Variants in EVL observed in about 807,000 individuals in gnomAD.
EVL encodes the protein ena/VASP-like protein.
EVL carries 21 observed loss-of-function variants against 59.6 expected under a neutral mutation model. That is an observed-to-expected ratio of 0.35 (90% CI 0.25 to 0.51). The LOEUF is 0.51. Among genes scored for constraint, EVL ranks in the 20% least tolerant of loss-of-function variants. The probability of loss-of-function intolerance (pLI) is 0.97; values close to 1 mark genes in which losing one functional copy is unlikely to be tolerated. For synonymous variants in EVL, 198 were observed against 203.5 expected (o/e 0.97, Z 0.23); for missense variants, 462 against 546.6 (o/e 0.85, Z 1.54).
intron 1 of EVL, among the ~76,000 whole-genome samples, chr14:100,005,587 C>T (rs1455874919): frequency 1.3e-5 from 2 of 150,936 alleles, no homozygotes; most frequent in Non-Finnish European, 2.9e-5. Context: ...AAAAAAAAGA[C>T]AGTGTCCTAG....
upstream of EVL, among the ~76,000 whole-genome samples, chr14:100,061,851 GA>G (rs1705616813): frequency 6.6e-6 from 1 of 151,922 alleles, no homozygotes; most frequent in African/African-American, 2.4e-5. Context: ...TCATTAATTG[GA>G]AATGGATTAT....
intron 1 of EVL, among the ~76,000 whole-genome samples, chr14:100,050,900 G>A (rs1463859584): frequency 1.4e-5 from 2 of 147,898 alleles, no homozygotes; most frequent in African/African-American, 2.5e-5. Flanking sequence ...ACACCAGCAC[G>A]CCCAGCTAAT....
intron 4 of EVL, 62 bp downstream of exon 4, chr14:100,123,664 T>C: frequency 1.3e-6 from 2 of 1,575,234 alleles, no homozygotes; most frequent in Non-Finnish European, 1.7e-6. Context: ...TGGCCAGGGG[T>C]GCCTTCAGCG....
At chr14:100,026,689 A>T (rs1416797554) in intron 1 of EVL, among the ~76,000 whole-genome samples, 1 of 152,158 alleles carries the variant, frequency 6.6e-6, no homozygotes, top group Admixed American at 6.5e-5. Context: ...TTTCTCTCAC[A>T]TCTTCTTCTC....
At chr14:100,035,734 C>CA (rs1267365445) in intron 1 of EVL, among the ~76,000 whole-genome samples, 1 of 152,144 alleles carries the variant, frequency 6.6e-6, no homozygotes, top group African/African-American at 2.4e-5. Flanking sequence ...CTGCTAGGAT[C>CA]ACATTATTAT....
Position 100,013,938 on chromosome 14 carries a change from T to C in EVL, c.5+41881T>C, listed in dbSNP as rs2061033582. Among the ~76,000 whole-genome samples, 2 of 152,238 alleles carry C rather than the reference T, an allele frequency of 1.3e-5. 1 individual carries two copies. Among genetic ancestry groups the C allele is most frequent in the South Asian group, 4.1e-4 (2 of 4,834 alleles). On this transcript the variant is annotated intron_variant, in intron 1 of 13. Transcript: ENST00000402714. ...TTCTATTTATAGGGTACATGAGATA[T>C]TTTGATATAGGCAGATATGTGTAAT...
intron 3 of EVL, among the ~76,000 whole-genome samples, 191 bp from the exon 4 acceptor site, chr14:100,123,344 TGAGA>T (rs926343710): frequency 1.3e-4 from 20 of 152,158 alleles, no homozygotes; most frequent in Non-Finnish European, 2.6e-4. Flanking sequence ...TGAAGAGCCG[TGAGA>T]GAGAGAGGGT....
intron 13 of EVL, 39 bp from the exon 14 acceptor site, chr14:100,143,662 G>A (rs769291263): frequency 1.9e-6 from 3 of 1,565,746 alleles, no homozygotes; most frequent in South Asian, 2.4e-5. Flanking sequence ...GGCTGCACTG[G>A]TCATGGCTGC....
chr14:100,043,605 CTTTTT>C (rs540453599), intron 1 of EVL, among the ~76,000 whole-genome samples: 1 of 127,246 alleles, frequency 7.9e-6, no homozygotes, highest in African/African-American at 3.0e-5. Flanking sequence ...TTTCCTCTGC[CTTTTT>C]TTTTTTTTTT....
chr14:99,988,737 T>G (rs2060856971), intron 1 of EVL, among the ~76,000 whole-genome samples: 3 of 152,128 alleles, frequency 2.0e-5, no homozygotes, highest in Admixed American at 2.0e-4. Context: ...TACAGTGCAA[T>G]AAAAACTAAT....
chr14:100,037,791 G>A (rs1296508234), intron 1 of EVL, among the ~76,000 whole-genome samples: 2 of 152,120 alleles, frequency 1.3e-5, no homozygotes, highest in African/African-American at 2.4e-5. Context: ...TAATATTTCC[G>A]AAACAGCCAC....
intron 1 of EVL, among the ~76,000 whole-genome samples, chr14:100,060,410 G>A (rs994945672): frequency 1.0e-4 from 14 of 137,098 alleles, no homozygotes; most frequent in Admixed American, 2.3e-4. Flanking sequence ...CAGCCTGGGC[G>A]ACAGAGCGAG....
intron 1 of EVL, among the ~76,000 whole-genome samples, chr14:100,042,001 G>GA (rs1275548730): frequency 2.0e-5 from 3 of 152,116 alleles, no homozygotes; most frequent in Non-Finnish European, 4.4e-5. Flanking sequence ...GCTGCATGTG[G>GA]AATTTTAAAT....
chr14:100,072,161 C>G (rs1041368778), intron 1 of EVL, among the ~76,000 whole-genome samples: 1 of 152,190 alleles, frequency 6.6e-6, no homozygotes, highest in Non-Finnish European at 1.5e-5. Flanking sequence ...ACGGCTCGAT[C>G]AAATGTAATC....
chr14:100,052,326 A>G (rs1271919551), intron 1 of EVL, among the ~76,000 whole-genome samples: 2 of 152,246 alleles, frequency 1.3e-5, no homozygotes, highest in African/African-American at 2.4e-5. Context: ...AAGAGCTTAC[A>G]CTTACATATT....
intron 1 of EVL, among the ~76,000 whole-genome samples, chr14:100,068,600 T>C (rs2061985899): frequency 6.6e-6 from 1 of 152,100 alleles, no homozygotes; most frequent in African/African-American, 2.4e-5. Context: ...GGGCCAGCAG[T>C]GGAGCAGTCA....
intron 1 of EVL, among the ~76,000 whole-genome samples, chr14:99,996,068 T>C (rs1884185228): frequency 6.6e-6 from 1 of 151,814 alleles, no homozygotes; most frequent in African/African-American, 2.4e-5. Flanking sequence ...TCAGGTAGCT[T>C]CCCCCCTCCC....
chr14:100,018,891 CCTT>C (rs1190174187), intron 1 of EVL, among the ~76,000 whole-genome samples: 2 of 152,276 alleles, frequency 1.3e-5, no homozygotes, highest in African/African-American at 2.4e-5. Flanking sequence ...CTCGTTTCCT[CCTT>C]CTTCTCTTCT....
chr14:99,976,542 GT>G (rs376587141), intron 1 of EVL, among the ~76,000 whole-genome samples: 2 of 150,882 alleles, frequency 1.3e-5, no homozygotes, highest in Non-Finnish European at 3.0e-5. Flanking sequence ...TGTGCCTAGT[GT>G]TTTTTTTAAT....
Sources: allele counts gnomAD v4.1 joint callset (sites outside exome capture counted in the v4.1 genomes callset), GRCh38; gene constraint gnomAD v4.1.1; transcripts MANE v1.5; gene names NCBI Gene and HGNC (gene_info 2026-07-23, HGNC 2026-07-21).